Variants in AGBL1 observed in about 807,000 individuals in gnomAD.
The protein encoded by AGBL1 is AGBL carboxypeptidase 1, also known as cytosolic carboxypeptidase 4.
AGBL1 carries 130 observed loss-of-function variants against 118.9 expected under a neutral mutation model. The observed-to-expected ratio is 1.09, with a 90% CI of 0.95 to 1.26. The LOEUF is 1.26. Among genes scored for constraint, AGBL1 ranks in the 50% most tolerant of loss-of-function variants. The probability of loss-of-function intolerance (pLI) is 0.00; values close to 1 mark genes in which losing one functional copy is unlikely to be tolerated. For missense variants in AGBL1, 1,584 were observed against 1,298.1 expected (o/e 1.22, Z -3.38); for synonymous variants, 555 against 478.9 (o/e 1.16, Z -2.08).
chr15:86,522,777 G>A (rs1430151112), intron 18 of AGBL1, 33 bp from the exon 19 acceptor site: 4 of 1,607,014 alleles, frequency 2.5e-6, no homozygotes, highest in Admixed American at 1.7e-5. Flanking sequence ...TCTTCTGAAT[G>A]TGTATTTATT....
chr15:86,477,204 T>C (rs1002306573), intron 18 of AGBL1, among the ~76,000 whole-genome samples: 2 of 151,962 alleles, frequency 1.3e-5, no homozygotes, highest in African/African-American at 4.8e-5. Flanking sequence ...ATTCAAAAGC[T>C]AGCAGAAGGC....
At chr15:86,455,518 T>C (rs903723542) in intron 18 of AGBL1, among the ~76,000 whole-genome samples, 2 of 152,204 alleles carry the variant, frequency 1.3e-5, no homozygotes, top group African/African-American at 2.4e-5. Context: ...ATCATATGCC[T>C]GTATTGGCTA....
At chr15:86,549,262 G>T (rs1231839244) in intron 20 of AGBL1, among the ~76,000 whole-genome samples, 1 of 152,096 alleles carries the variant, frequency 6.6e-6, no homozygotes, top group Non-Finnish European at 1.5e-5. Flanking sequence ...AGAGACTTAA[G>T]AACTGCCACA....
At chr15:86,533,325 A>G (rs1042688876) in intron 19 of AGBL1, among the ~76,000 whole-genome samples, 1 of 133,660 alleles carries the variant, frequency 7.5e-6, no homozygotes, top group Non-Finnish European at 1.6e-5. Context: ...ACTTCTCAAA[A>G]GAAGACATTT....
rs919084259 is a variant in AGBL1, at chr15:86,240,155, A to G, written c.527-7516A>G. On this transcript the variant is annotated intron_variant, in intron 6 of 22. Transcript: ENST00000614907. ...TCTTAGCCTCTGTCTTCATTTGTAA[A>G]AGAGGGAAAGTAATACTTATCTTTA... Among the ~76,000 whole-genome samples, 6 of 152,204 alleles carry G rather than the reference A, an allele frequency of 3.9e-5. No individual in the cohort carries two copies. In the South Asian group the frequency reaches 8.3e-4, roughly 21 times the overall value.
At chr15:86,839,128 A>G (rs1008444746) in intron 22 of AGBL1, among the ~76,000 whole-genome samples, 1 of 152,034 alleles carries the variant, frequency 6.6e-6, no homozygotes, top group African/African-American at 2.4e-5. Flanking sequence ...TACTGGTTAG[A>G]AGATTACATT....
intron 22 of AGBL1, among the ~76,000 whole-genome samples, chr15:86,866,080 G>T (rs541973085): frequency 1.0e-3 from 156 of 152,176 alleles, no homozygotes; most frequent in African/African-American, 3.6e-3. Context: ...CATCTACTCT[G>T]CCATTCTTTT....
chr15:86,483,468 A>G (rs2082677034), intron 18 of AGBL1, among the ~76,000 whole-genome samples: 1 of 152,128 alleles, frequency 6.6e-6, no homozygotes, highest in Admixed American at 6.6e-5. Context: ...AGGAGGTATA[A>G]TGAGGCTTGT....
chr15:86,428,997 T>C, intron 18 of AGBL1, among the ~76,000 whole-genome samples: 1 of 152,128 alleles, frequency 6.6e-6, no homozygotes, highest in Non-Finnish European at 1.5e-5. Context: ...TATTGAGAAA[T>C]AGGATAGACA....
intron 16 of AGBL1, among the ~76,000 whole-genome samples, chr15:86,285,564 C>T (rs941983167): frequency 6.6e-6 from 1 of 152,098 alleles, no homozygotes; most frequent in African/African-American, 2.4e-5. Context: ...GTTCTTTCAC[C>T]TTCTGCCGTG....
intron 22 of AGBL1, among the ~76,000 whole-genome samples, chr15:86,827,937 G>GTTTTTTTTTTTTTTTTT (rs71460225): frequency 1.3e-4 from 1 of 7,802 alleles, no homozygotes; most frequent in African/African-American, 7.4e-4. Flanking sequence ...TTGATGTAGG[G>GTTTTTTTTTTTTTTTTT]CTTTTTTTTT....
intron 16 of AGBL1, among the ~76,000 whole-genome samples, chr15:86,290,224 T>A (rs1389426934): frequency 1.3e-5 from 2 of 152,144 alleles, no homozygotes; most frequent in Non-Finnish European, 2.9e-5. Flanking sequence ...GTAACCATAT[T>A]TTTAGATAGT....
chr15:86,552,229 T>C (rs76515251), intron 20 of AGBL1, among the ~76,000 whole-genome samples: 4,774 of 152,226 alleles, frequency 0.031, 130 homozygotes, highest in East Asian at 0.13. Flanking sequence ...TCCATGCATG[T>C]ACAGGAGTGG....
At chr15:86,117,456 T>C (rs1459190673) in intron 1 of AGBL1, among the ~76,000 whole-genome samples, 2 of 152,200 alleles carry the variant, frequency 1.3e-5, no homozygotes, top group Non-Finnish European at 2.9e-5. Context: ...TGTGTGACTA[T>C]TGTGTTGAGC....
intron 17 of AGBL1, among the ~76,000 whole-genome samples, chr15:86,301,264 A>G (rs908257958): frequency 1.1e-4 from 17 of 152,292 alleles, no homozygotes; most frequent in Admixed American, 9.2e-4. Context: ...CATAAAGACT[A>G]TTGAGTCCTG....
intron 22 of AGBL1, among the ~76,000 whole-genome samples, chr15:86,769,988 A>T (rs1394463456): frequency 2.0e-5 from 3 of 151,996 alleles, no homozygotes; most frequent in Admixed American, 2.0e-4. Flanking sequence ...CCTCAACCCA[A>T]TTTAAAGGCT....
intron 21 of AGBL1, among the ~76,000 whole-genome samples, chr15:86,664,356 A>G (rs183617298): frequency 2.0e-5 from 3 of 152,294 alleles, no homozygotes; most frequent in Middle Eastern, 3.4e-3. Context: ...TCTGCTACCT[A>G]TTAGAGTTCA....
intron 22 of AGBL1, among the ~76,000 whole-genome samples, chr15:86,820,079 G>A (rs1362716810): frequency 1.3e-5 from 2 of 152,152 alleles, no homozygotes; most frequent in African/African-American, 2.4e-5. Context: ...TGGGAAAACT[G>A]GCTAGCCATA....
intron 23 of AGBL1, among the ~76,000 whole-genome samples, chr15:86,927,249 C>T (rs1391535294): frequency 1.3e-5 from 2 of 152,136 alleles, no homozygotes; most frequent in East Asian, 3.8e-4. Context: ...AACTGAGTAT[C>T]TCTGTTCCTT....
Sources: allele counts gnomAD v4.1 joint callset (sites outside exome capture counted in the v4.1 genomes callset), GRCh38; gene constraint gnomAD v4.1.1; transcripts MANE v1.5; gene names NCBI Gene and HGNC (gene_info 2026-07-23, HGNC 2026-07-21).